The following KLHL13 variants were observed in gnomAD, a reference collection of about 807,000 sequenced individuals.
The protein encoded by KLHL13 is kelch like family member 13.
A neutral mutation model predicts 37.1 loss-of-function variants in KLHL13; 10 were observed. That is an observed-to-expected ratio of 0.27 (90% confidence interval 0.17 to 0.46). KLHL13 has a LOEUF of 0.46. KLHL13 is among the 20% of genes least tolerant of loss of function. The pLI is 1.00. For missense variants in KLHL13, 360 were observed against 509.3 expected (o/e 0.71, Z 2.82); for synonymous variants, 163 against 181.2 (o/e 0.90, Z 0.81).
At chrX:118,092,835 A>G (rs2055152952) in intron 1 of KLHL13, among the ~76,000 whole-genome samples, 1 of 111,762 alleles carries the variant, frequency 8.9e-6, no homozygotes, top group South Asian at 3.7e-4. Flanking sequence ...GTTACATAAG[A>G]TGTAGTCATT....
chrX:117,994,738 G>A (rs1009782520), intron 1 of KLHL13, among the ~76,000 whole-genome samples: 5 of 111,590 alleles, frequency 4.5e-5, no homozygotes, highest in Non-Finnish European at 7.5e-5. Flanking sequence ...GTCACATCTC[G>A]TTCAACTTTC....
At chrX:118,033,860 G>C (rs891209272) in intron 1 of KLHL13, among the ~76,000 whole-genome samples, 1 of 106,416 alleles carries the variant, frequency 9.4e-6, no homozygotes, top group Non-Finnish European at 1.9e-5. Context: ...CACGTGCAGA[G>C]ACACACATAG....
At chrX:118,103,616 A>T (rs2055313100) in intron 1 of KLHL13, among the ~76,000 whole-genome samples, 1 of 111,923 alleles carries the variant, frequency 8.9e-6, no homozygotes, top group Non-Finnish European at 1.9e-5. Context: ...TCTTTAAGAC[A>T]TTTAATTATG....
chrX:118,027,619 G>A (rs952199261), intron 1 of KLHL13, among the ~76,000 whole-genome samples: 1 of 105,966 alleles, frequency 9.4e-6, no homozygotes, highest in African/African-American at 3.5e-5. Flanking sequence ...ACTCACACCC[G>A]CTCTCTATTT....
chrX:118,051,086 C>T (rs1292250513), intron 1 of KLHL13, among the ~76,000 whole-genome samples: 1 of 109,761 alleles, frequency 9.1e-6, no homozygotes, highest in Non-Finnish European at 1.9e-5. Context: ...AGGCCCATTA[C>T]AAGAATGTCA....
At chrX:118,031,223 C>A (rs1242636537) in intron 1 of KLHL13, among the ~76,000 whole-genome samples, 1 of 109,301 alleles carries the variant, frequency 9.1e-6, no homozygotes, top group African/African-American at 3.3e-5. Flanking sequence ...AGGAGATATT[C>A]AAGTTGAAAC....
intron 1 of KLHL13, among the ~76,000 whole-genome samples, chrX:118,008,379 G>C (rs1450319625): frequency 2.7e-5 from 3 of 112,041 alleles, no homozygotes; most frequent in African/African-American, 9.7e-5. Context: ...AGCAGAACTA[G>C]CTTGGCCTTA....
At chrX:117,983,514 C>A (rs752692288) in intron 1 of KLHL13, 16 of 1,148,734 alleles carry the variant, frequency 1.4e-5, no homozygotes, top group South Asian at 1.9e-5. Context: ...TCCTTGAAAT[C>A]GGCTTGTTTT....
intron 1 of KLHL13, among the ~76,000 whole-genome samples, chrX:117,950,219 C>A (rs756534814): frequency 5.3e-5 from 6 of 112,653 alleles, no homozygotes; most frequent in Non-Finnish European, 7.5e-5. Flanking sequence ...GTAATCCCAG[C>A]ACTTTGGGAG....
At chrX:117,950,967 G>A (rs1415098106) in intron 1 of KLHL13, among the ~76,000 whole-genome samples, 1 of 111,954 alleles carries the variant, frequency 8.9e-6, no homozygotes, top group African/African-American at 3.2e-5. Flanking sequence ...CCACCCTTGA[G>A]AAATAAATTA....
chrX:118,089,610 GAGAAAGAAAGAGAAAGAA>G (rs1421905254), intron 1 of KLHL13, among the ~76,000 whole-genome samples: 4 of 57,538 alleles, frequency 7.0e-5, no homozygotes, highest in African/African-American at 3.4e-4. Flanking sequence ...GAGAGAGAGA[GAGAAAGAAAGAGAAAGAA>G]AGAAAGAAAG....
intron 1 of KLHL13, among the ~76,000 whole-genome samples, chrX:118,059,414 T>C (rs1444413653): frequency 2.7e-5 from 3 of 111,619 alleles, no homozygotes; most frequent in African/African-American, 6.5e-5. Context: ...ACTACAAATA[T>C]AGCAAATTCC....
chrX:117,923,697 C>A (rs189926298), intron 2 of KLHL13, among the ~76,000 whole-genome samples: 1 of 111,270 alleles, frequency 9.0e-6, no homozygotes, highest in East Asian at 2.8e-4. Flanking sequence ...CATCATGTAT[C>A]GTCAGCTGTG....
At chrX:118,058,832 T>C (rs1216897938) in intron 1 of KLHL13, among the ~76,000 whole-genome samples, 2 of 111,814 alleles carry the variant, frequency 1.8e-5, no homozygotes, top group African/African-American at 6.5e-5. Flanking sequence ...GAACCAATTT[T>C]GCAGTAACTT....
chrX:117,975,085 TC>T (rs771912990), upstream of KLHL13, among the ~76,000 whole-genome samples: 30 of 111,001 alleles, frequency 2.7e-4, no homozygotes, highest in Non-Finnish European at 4.1e-4. Context: ...TAGAAGGCTT[TC>T]TGCAATAATC....
chrX:118,054,118 G>A (rs890576584), intron 1 of KLHL13, among the ~76,000 whole-genome samples: 1 of 111,358 alleles, frequency 9.0e-6, no homozygotes, highest in Non-Finnish European at 1.9e-5. Flanking sequence ...GTGGCTTCAT[G>A]TATTAAAGCT....
At chrX:118,026,159 C>G (rs1297625040) in intron 1 of KLHL13, among the ~76,000 whole-genome samples, 1 of 111,447 alleles carries the variant, frequency 9.0e-6, no homozygotes, top group Non-Finnish European at 1.9e-5. Flanking sequence ...TGTTCCCTTC[C>G]TACCTCAACC....
exon 5 of KLHL13, chrX:117,909,868 G>A (rs751533271): frequency 8.3e-7 from 1 of 1,211,619 alleles, no homozygotes; most frequent in South Asian, 1.8e-5. Context: ...GGCTCTTCCA[G>A]GCGAAGCCAA....
intron 1 of KLHL13, among the ~76,000 whole-genome samples, chrX:118,091,692 A>G (rs1369529489): frequency 9.0e-6 from 1 of 111,206 alleles, no homozygotes; most frequent in Non-Finnish European, 1.9e-5. Context: ...GAGAGATAAG[A>G]AGGAGAGAGA....
Sources: allele counts gnomAD v4.1 joint callset (sites outside exome capture counted in the v4.1 genomes callset), GRCh38; gene constraint gnomAD v4.1.1; transcripts MANE v1.5; gene names NCBI Gene and HGNC (gene_info 2026-07-23, HGNC 2026-07-21).